The following PLXNC1 variants were observed in gnomAD, a reference collection of about 807,000 sequenced individuals.
PLXNC1 encodes the protein plexin-C1.
Under a neutral mutation model 178.2 loss-of-function variants are expected in PLXNC1, and 75 were observed. That is an observed-to-expected ratio of 0.42 (90% confidence interval 0.35 to 0.51). The LOEUF (loss-of-function observed/expected upper bound fraction) is 0.51. PLXNC1 is among the 20% of genes least tolerant of loss of function. The pLI, the probability that PLXNC1 is intolerant of heterozygous loss-of-function variation, is 0.02. For synonymous variants in PLXNC1, 790 were observed against 779.9 expected (o/e 1.01, Z -0.22); for missense variants, 1,503 against 1,984.4 (o/e 0.76, Z 4.61).
intron 9 of PLXNC1, among the ~76,000 whole-genome samples, chr12:94,235,776 G>A (rs1964224552): frequency 6.6e-6 from 1 of 152,132 alleles, no homozygotes; most frequent in Non-Finnish European, 1.5e-5. Flanking sequence ...GTTTTTATAT[G>A]TCATGAAATA....
chr12:94,213,728 A>G lies in PLXNC1; in HGVS notation c.1554+4024A>G, dbSNP rs12099897. ...TGTTTTAGACATGAAGTCTTTGCCC[A>G]TGCCTATGTCCTGAATGGTATTGCC... is the stretch of plus-strand genomic sequence containing the variant. On this transcript the variant is annotated intron_variant, in intron 5 of 30. Transcript: ENST00000258526. Among the ~76,000 whole-genome samples, 247 of 152,324 alleles carry G rather than the reference A, an allele frequency of 1.6e-3. 1 individual carries two copies. Among genetic ancestry groups the G allele is most frequent in the African/African-American group, 5.4e-3 (225 of 41,566 alleles).
rs373097188 is a variant in PLXNC1, at chr12:94,156,787, G to A, written c.1062+6754G>A. On this transcript the variant is annotated intron_variant, in intron 1 of 30. Coordinates refer to ENST00000258526, the MANE Select transcript of PLXNC1 (RefSeq NM_005761.3). Reference sequence around the variant, plus strand: ...CAGTGGCATGATCATAGCTTATTGCGGCCTCAAACTCTTGGGTTCAAGTGA... The same window carrying A: ...CAGTGGCATGATCATAGCTTATTGCAGCCTCAAACTCTTGGGTTCAAGTGA... Among the ~76,000 whole-genome samples, 23 of 148,966 alleles carry A rather than the reference G, an allele frequency of 1.5e-4. No individual in the cohort carries two copies. The South Asian group carries it at 4.7e-3, about 30-fold the overall frequency.
chr12:94,238,054 A>G (rs1328285922), intron 10 of PLXNC1, among the ~76,000 whole-genome samples: 2 of 152,168 alleles, frequency 1.3e-5, no homozygotes. Flanking sequence ...TCATTTCAGG[A>G]TGTTGCCTGT....
intron 11 of PLXNC1, among the ~76,000 whole-genome samples, chr12:94,243,422 C>T (rs4761596): frequency 0.66 from 100,237 of 152,142 alleles, 33,661 homozygotes; most frequent in East Asian, 0.96. Flanking sequence ...GTTATTTATA[C>T]GGCGTACCAA....
At chr12:94,212,647 A>T (rs1257109068) in intron 5 of PLXNC1, among the ~76,000 whole-genome samples, 1 of 151,978 alleles carries the variant, frequency 6.6e-6, no homozygotes, top group Non-Finnish European at 1.5e-5. Context: ...CCTGCAAAGG[A>T]CATGAACTCA....
chr12:94,213,736 G>T (rs1963560508), intron 5 of PLXNC1, among the ~76,000 whole-genome samples: 1 of 152,196 alleles, frequency 6.6e-6, no homozygotes, highest in Non-Finnish European at 1.5e-5. Context: ...CCATGCCTAT[G>T]TCCTGAATGG....
chr12:94,255,666 G>T (rs1964817370), intron 17 of PLXNC1, among the ~76,000 whole-genome samples: 1 of 152,154 alleles, frequency 6.6e-6, no homozygotes, highest in Admixed American at 6.5e-5. Context: ...GTGTTTATCT[G>T]CATGACTTAC....
chr12:94,161,019 C>G (rs190008219), intron 1 of PLXNC1, among the ~76,000 whole-genome samples: 6 of 152,160 alleles, frequency 3.9e-5, no homozygotes, highest in Non-Finnish European at 7.4e-5. Context: ...TCAGTAAATA[C>G]TGCTGTGGCC....
chr12:94,285,204 G>C (rs1052112726), intron 23 of PLXNC1, among the ~76,000 whole-genome samples: 4 of 152,138 alleles, frequency 2.6e-5, no homozygotes, highest in African/African-American at 9.7e-5. Context: ...CGGGAGGGTA[G>C]GGACCCCCTG....
At chr12:94,219,819 A>ATTTG (rs35723097) in intron 5 of PLXNC1, among the ~76,000 whole-genome samples, 197 bp from the exon 6 acceptor site, 78 of 146,482 alleles carry the variant, frequency 5.3e-4, no homozygotes, top group African/African-American at 1.3e-3. Context: ...TTATTTATTT[A>ATTTG]TTTATTTATT....
intron 1 of PLXNC1, among the ~76,000 whole-genome samples, chr12:94,165,208 G>A (rs1961565155): frequency 6.6e-6 from 1 of 152,214 alleles, no homozygotes; most frequent in Non-Finnish European, 1.5e-5. Flanking sequence ...GGGGCTGACT[G>A]CACTGTTTCC....
At chr12:94,303,709 T>TA in intron 28 of PLXNC1, 47 bp from the exon 29 acceptor site, 3 of 1,181,218 alleles carry the variant, frequency 2.5e-6, no homozygotes, top group East Asian at 3.0e-5. Flanking sequence ...TTTTTTTTTT[T>TA]TTTACTCTTT....
intron 21 of PLXNC1, among the ~76,000 whole-genome samples, chr12:94,275,489 A>G (rs1011761259): frequency 2.0e-5 from 3 of 152,184 alleles, no homozygotes; most frequent in Non-Finnish European, 4.4e-5. Flanking sequence ...GCCCGCGTGC[A>G]CTTTCCCAGC....
intron 23 of PLXNC1, among the ~76,000 whole-genome samples, chr12:94,286,945 C>A (rs79585797): frequency 0.026 from 3,937 of 152,248 alleles, 184 homozygotes; most frequent in African/African-American, 0.091. Context: ...CTAGATGCAG[C>A]CCCCAGAGCC....
intron 8 of PLXNC1, 36 bp downstream of exon 8, chr12:94,226,743 G>T: frequency 7.0e-7 from 1 of 1,435,692 alleles, no homozygotes; most frequent in South Asian, 1.1e-5. Flanking sequence ...AGTCTTAACC[G>T]CCGGGCATGG....
At chr12:94,272,710 T>C (rs756551373) in intron 21 of PLXNC1, among the ~76,000 whole-genome samples, 1 of 152,228 alleles carries the variant, frequency 6.6e-6, no homozygotes, top group Non-Finnish European at 1.5e-5. Context: ...ATCTGGAGCA[T>C]ACTGGCCACA....
chr12:94,209,617 T>C lies in PLXNC1; in HGVS notation c.1467T>C (p.His489=), dbSNP rs2136001873. ...GCACTTTTCAAGGAGATTGTGTACA[T>C]TCAGAGAACTTAGAAAACTGGCTGG... The part of the protein sequence containing the change: ...QRCTFQGDCV[H]SENLENWLDI... Residue 489 remains histidine (H), a synonymous_variant, in exon 5 of 31, where the codon CAT becomes CAC. Coordinates refer to ENST00000258526, the MANE Select transcript of PLXNC1 (RefSeq NM_005761.3). 1 of 1,601,308 alleles carries C rather than the reference T, an allele frequency of 6.2e-7. No individual in the cohort carries two copies. Among genetic ancestry groups the C allele is most frequent in the East Asian group, 2.3e-5 (1 of 43,824 alleles).
Position 94,149,319 on chromosome 12 carries a change from G to A in PLXNC1, c.348G>A (p.Ala116=), listed in dbSNP as rs1960853427. Residue 116 remains alanine (A), a synonymous_variant, in exon 1 of 31, where the codon GCG becomes GCA. Coordinates refer to ENST00000258526, the MANE Select transcript of PLXNC1 (RefSeq NM_005761.3). The stretch of plus-strand genomic sequence containing the variant: ...TGCTGCTGCCCTACCGCGAGGGGGC[G>A]GCCGGCCTCGGGGGGCTGCTGCTCA... ...SKLLLPYREG[A]AGLGGLLLTG... The A allele has an allele frequency of 2.1e-6, 3 of 1,447,532 alleles. No homozygotes were observed. The highest frequency in any genetic ancestry group is 1.5e-5 in the African/African-American group (1 of 67,826). The allele number at this position is 1,447,532 out of a possible 1,614,324, so 89.7% of individuals were successfully genotyped here.
At chr12:94,244,265 C>T (rs1964469489) in intron 12 of PLXNC1, among the ~76,000 whole-genome samples, 1 of 152,156 alleles carries the variant, frequency 6.6e-6, no homozygotes, top group African/African-American at 2.4e-5. Flanking sequence ...TAAGACCTGA[C>T]ATTTTCTTTT....
Sources: gnomAD v4.1 joint callset for allele counts (sites outside exome capture counted in the v4.1 genomes callset) on GRCh38, gnomAD v4.1.1 for gene constraint, MANE v1.5 for transcripts, NCBI Gene and HGNC (gene_info 2026-07-23, HGNC 2026-07-21) for gene names.